Variants in ANO9 observed in about 807,000 individuals in gnomAD.
ANO9 encodes the protein anoctamin-9.
A neutral mutation model predicts 100.5 loss-of-function variants in ANO9; 80 were observed. The observed-to-expected ratio is 0.80, with a 90% CI of 0.66 to 0.96. ANO9 has a LOEUF of 0.96. Among genes scored for constraint, ANO9 ranks in the 40% least tolerant of loss-of-function variants. ANO9 has a pLI of 0.00. For synonymous variants in ANO9, 473 were observed against 435.6 expected, an observed-to-expected ratio of 1.09 and a Z score of -1.07; for missense variants, 1,064 against 1,072.7, an observed-to-expected ratio of 0.99 and a Z score of 0.11.
chr11:435,169 G>A (rs1346548220), intron 1 of ANO9, among the ~76,000 whole-genome samples: 3 of 152,082 alleles, frequency 2.0e-5, no homozygotes, highest in African/African-American at 7.2e-5. Flanking sequence ...GTCTAGTCTA[G>A]TTTGGTCTAG....
chr11:434,861 A>G (rs1200765372), intron 1 of ANO9, among the ~76,000 whole-genome samples: 3 of 152,128 alleles, frequency 2.0e-5, no homozygotes, highest in Admixed American at 6.5e-5. Context: ...GATATTTGTT[A>G]ATTACTGAGG....
chr11:419,342 C>T, intron 20 of ANO9: 4 of 1,412,372 alleles, frequency 2.8e-6, no homozygotes, highest in Non-Finnish European at 2.8e-6. Context: ...ACTCAGGAGG[C>T]AGCCAGGTCT....
chr11:419,122 G>A (rs1007611468), intron 20 of ANO9, 133 bp from the exon 21 acceptor site: 3 of 1,498,916 alleles, frequency 2.0e-6, no homozygotes, highest in African/African-American at 1.4e-5. Flanking sequence ...CGTCCAGTGG[G>A]ACGGGGCTCC....
rs1192160256 is a variant in ANO9 at position 424,973 on chromosome 11, G to A, written c.1334+3115C>T. ...GGAAAAGGCGGCGCGGAGACGGGAC[G>A]CGCGGGAGGAAAAGGCGGCGGGGAG... On this transcript the variant is annotated intron_variant, in intron 15 of 22. Coordinates refer to ENST00000332826, the MANE Select transcript of ANO9 (RefSeq NM_001012302.3). 2.0e-5 allele frequency among the ~76,000 whole-genome samples: 3 copies of A among 146,462 alleles called. No homozygotes were observed. The Admixed American group carries it at 2.1e-4, about 10-fold the overall frequency.
Position 430,313 on chromosome 11 carries a change from T to C in ANO9, c.630A>G (p.Leu210=). 2 of 1,606,294 alleles carry C rather than the reference T, an allele frequency of 1.2e-6. No individual in the cohort carries two copies. Among genetic ancestry groups the C allele is most frequent in the East Asian group, 2.2e-5 (1 of 44,630 alleles). ...ACAGCGAGAATCCGCTCAGAAAGAC[T>C]AAGAGGCCCGTCAGGGCGGCCGGCA... The part of the protein sequence containing the change: ...MLVPAALTGL[L]VFLSGFSLFE... Residue 210 remains leucine (L), a synonymous_variant, in exon 8 of 23, where the codon TTA becomes TTG. Coordinates refer to ENST00000332826, the MANE Select transcript of ANO9 (RefSeq NM_001012302.3).
At chr11:434,392 C>T (rs1590507524) in intron 1 of ANO9, among the ~76,000 whole-genome samples, 1 of 152,218 alleles carries the variant, frequency 6.6e-6, no homozygotes, top group Non-Finnish European at 1.5e-5. Context: ...GCACGCTGAG[C>T]AGCCCACAGG....
At position 428,162 on chromosome 11, in the gene ANO9, G is replaced by C; in HGVS notation, c.1260C>G (p.Phe420Leu). 6.2e-7 allele frequency: 1 copy of C among 1,612,010 alleles called. No homozygotes were observed. The highest frequency in any genetic ancestry group is 1.1e-5 in the South Asian group (1 of 90,972). ...PRTFSERESR[F>L]TIRFFTLQFF... Reference sequence around the variant, plus strand: ...ACTGCAGTGTGAAGAAGCGGATGGTGAACCTGCTCTCTCGCTCCGAGAAGG... The same window carrying C: ...ACTGCAGTGTGAAGAAGCGGATGGTCAACCTGCTCTCTCGCTCCGAGAAGG... The change falls in exon 15 of 23, where the codon TTC becomes TTG. Residue 420 changes from phenylalanine to leucine, a missense_variant. By Grantham distance (22) the Phe-to-Leu change is conservative. Coordinates refer to ENST00000332826, the MANE Select transcript of ANO9 (RefSeq NM_001012302.3).
chr11:426,414 A>G (rs966429734), intron 15 of ANO9, among the ~76,000 whole-genome samples: 1 of 151,982 alleles, frequency 6.6e-6, no homozygotes. Context: ...TCTACAAAAA[A>G]TAGAAAAAAT....
At position 418,503 on chromosome 11, in the gene ANO9, C is replaced by G; in HGVS notation, c.2217G>C (p.Lys739Asn). The change falls in exon 23 of 23, where the codon AAG (lysine) becomes AAC (asparagine). Residue 739 changes from lysine to asparagine, a missense_variant. Coordinates refer to ENST00000332826, the MANE Select transcript of ANO9 (RefSeq NM_001012302.3). ...ACATCTTCTCACGCAGCCTCTGGTA[C>G]TTCACCTCCAGAACCTTGTTCTTCA... ...QSVKNKVLEV[K>N]YQRLREKMWH... 3 of 1,613,206 alleles carry G rather than the reference C, an allele frequency of 1.9e-6. No individual in the cohort carries two copies. The highest frequency in any genetic ancestry group is 2.5e-6 in the Non-Finnish European group (3 of 1,180,016).
chr11:427,320 A>G lies in ANO9; in HGVS notation c.1334+768T>C, dbSNP rs559355444. Among the ~76,000 whole-genome samples, 910 of 152,244 alleles carry G rather than the reference A, an allele frequency of 6.0e-3. 8 individuals are homozygous for G. Among genetic ancestry groups the G allele is most frequent in the African/African-American group, 0.02 (844 of 41,522 alleles). ...AGCCAAGATCATGCTACTGCACTCC[A>G]GCCTGGGCGACAGAGCGAGACTCCA... On this transcript the variant is annotated intron_variant, in intron 15 of 22. Coordinates refer to ENST00000332826, the MANE Select transcript of ANO9 (RefSeq NM_001012302.3).
At chr11:429,972 G>T in intron 9 of ANO9, 111 bp downstream of exon 9, 2 of 1,388,416 alleles carry the variant, frequency 1.4e-6, no homozygotes, top group Non-Finnish European at 2.0e-6. Context: ...TCAGCCCTGT[G>T]GGGAAAGCTG....
Position 439,639 on chromosome 11 carries a change from C to G in ANO9, c.6+2282G>C, listed in dbSNP as rs540273359. Among the ~76,000 whole-genome samples, 7 of 132,452 alleles carry G rather than the reference C, an allele frequency of 5.3e-5. No individual in the cohort carries two copies. In the East Asian group the frequency reaches 1.7e-3, roughly 33 times the overall value. 86.9% of individuals were successfully genotyped at this position (132,452 alleles called of 152,430 possible). ...CCTCTTGGCCGGTGCCCTGAGCCCTCTGGGATCTGGCCCTTGAGAACTTTA... is the reference window on the plus strand; with the variant it reads ...CCTCTTGGCCGGTGCCCTGAGCCCTGTGGGATCTGGCCCTTGAGAACTTTA... On this transcript the variant is annotated intron_variant, in intron 1 of 22. Coordinates refer to ENST00000332826, the MANE Select transcript of ANO9 (RefSeq NM_001012302.3).
chr11:418,749 T>C lies in ANO9; in HGVS notation c.2101A>G (p.Ile701Val). ...AAGAGGATGACGAAGGCCAGGCGGA[T>C]GGCCAGGAGGAACCAGAACTGCTCG... ...FSEQFWFLLA[I>V]RLAFVILFEH... Residue 701 changes from isoleucine to valine, a missense_variant, in exon 22 of 23, where the codon ATC (isoleucine) becomes GTC (valine). By Grantham distance (29) the Ile-to-Val change is conservative. Coordinates refer to ENST00000332826, the MANE Select transcript of ANO9 (RefSeq NM_001012302.3). The C allele has an allele frequency of 1.2e-6, 2 of 1,612,990 alleles. No homozygotes were observed. Among genetic ancestry groups the C allele is most frequent in the East Asian group, 2.2e-5 (1 of 44,888 alleles).
intron 3 of ANO9, 78 bp from the exon 4 acceptor site, chr11:433,537 T>C: frequency 6.5e-7 from 1 of 1,537,028 alleles, no homozygotes; most frequent in Non-Finnish European, 8.8e-7. Context: ...CCCCCCTCTA[T>C]TCCACCTCAG....
At chr11:429,888 G>A (rs1848783531) in intron 9 of ANO9, 70 bp from the exon 10 acceptor site, 9 of 1,399,536 alleles carry the variant, frequency 6.4e-6, no homozygotes, top group Non-Finnish European at 7.8e-6. Context: ...AGCCAGGGAG[G>A]GAGGCAGGAA....
chr11:426,117 CTG>C (rs541263097), intron 15 of ANO9, among the ~76,000 whole-genome samples: 45 of 152,336 alleles, frequency 3.0e-4, no homozygotes, highest in African/African-American at 1.1e-3. Flanking sequence ...GTTTCACACA[CTG>C]TGGGTAGCTT....
Position 430,388 on chromosome 11 carries a change from T to C in ANO9, c.555A>G (p.Glu185=), listed in dbSNP as rs749449362. ...GCCAGACGAAGTACAGGGCCACCTT[T>C]TCCCCAAAGTAGTTCCTGCAGGCAG... is the stretch of plus-strand genomic sequence containing the variant. ...PVDEIRNYFG[E]KVALYFVWLG... The change falls in exon 8 of 23, where the codon GAA becomes GAG. Residue 185 remains glutamate, a synonymous_variant. Coordinates refer to ENST00000332826, the MANE Select transcript of ANO9 (RefSeq NM_001012302.3). 6.4e-7 allele frequency: 1 copy of C among 1,554,188 alleles called. No individual in the cohort carries two copies. The highest frequency in any genetic ancestry group is 8.7e-7 in the Non-Finnish European group (1 of 1,144,924).
chr11:421,299 C>CG lies in ANO9; in HGVS notation c.1335-102dup. 1.6e-6 allele frequency: 2 copies of CG among 1,288,938 alleles called. No homozygotes were observed. Among genetic ancestry groups the CG allele is most frequent in the Non-Finnish European group, 2.1e-6 (2 of 970,000 alleles). 79.8% of individuals were successfully genotyped at this position (1,288,938 alleles called of 1,614,324 possible). ...GCGGGTAGGAAAGACACAGAACAGG[C>CG]GGGGCAGGCCCTGCAGGTGAGCGGG... is the stretch of plus-strand genomic sequence containing the variant. On this transcript the variant is annotated intron_variant, in intron 15 of 22. Coordinates refer to ENST00000332826, the MANE Select transcript of ANO9 (RefSeq NM_001012302.3). The surrounding 1 kb of genome is among the most constrained non-coding windows in gnomAD (Gnocchi z 6.8).
At chr11:419,440 A>AC (rs1417942050) in intron 20 of ANO9, 142 bp downstream of exon 20, 67 of 1,436,192 alleles carry the variant, frequency 4.7e-5, no homozygotes, top group Non-Finnish European at 5.7e-5. Context: ...GGCAGGGGCC[A>AC]CCCCCAGGCC....
Sources: allele counts gnomAD v4.1 joint callset (sites outside exome capture counted in the v4.1 genomes callset), GRCh38; gene constraint gnomAD v4.1.1; non-coding constraint Gnocchi (gnomAD v3.1); transcripts MANE v1.5; gene names NCBI Gene and HGNC (gene_info 2026-07-23, HGNC 2026-07-21).